Variants in CDH18 observed in about 807,000 individuals in gnomAD.
CDH18 encodes the protein cadherin-18.
CDH18 carries 31 observed loss-of-function variants against 67.9 expected under a neutral mutation model. The observed-to-expected ratio is 0.46, with a 90% CI of 0.34 to 0.62. The LOEUF is 0.62. Among genes scored for constraint, CDH18 ranks in the 20% least tolerant of loss-of-function variants. The pLI is 0.01. For missense variants in CDH18, 890 were observed against 975.5 expected, an observed-to-expected ratio of 0.91 and a Z score of 1.17; for synonymous variants, 362 against 347.2, an observed-to-expected ratio of 1.04 and a Z score of -0.48.
chr5:19,907,177 A>T (rs1405176479), intron 2 of CDH18, among the ~76,000 whole-genome samples: 1 of 151,986 alleles, frequency 6.6e-6, no homozygotes, highest in Admixed American at 6.6e-5. Context: ...CCATATAAAA[A>T]AATTCATGGT....
At chr5:19,724,601 T>A (rs1766559239) in intron 4 of CDH18, among the ~76,000 whole-genome samples, 1 of 151,978 alleles carries the variant, frequency 6.6e-6, no homozygotes, top group Admixed American at 6.6e-5. Flanking sequence ...ACCATTTCAA[T>A]AACCTGGTTA....
chr5:19,483,168 A>C, intron 12 of CDH18, 133 bp downstream of exon 12: 1 of 782,164 alleles, frequency 1.3e-6, no homozygotes, highest in South Asian at 1.9e-5. Flanking sequence ...GTATTGAGAA[A>C]ATTAATTCAT....
At chr5:20,051,260 CATTT>C (rs1482097336) in intron 2 of CDH18, among the ~76,000 whole-genome samples, 1 of 151,924 alleles carries the variant, frequency 6.6e-6, no homozygotes, top group Non-Finnish European at 1.5e-5. Flanking sequence ...TCCACACATT[CATTT>C]ATTGAGCTCT....
chr5:20,364,959 A>G (rs1742390967), intron 1 of CDH18, among the ~76,000 whole-genome samples: 1 of 152,212 alleles, frequency 6.6e-6, no homozygotes, highest in Non-Finnish European at 1.5e-5. Context: ...GCAAACATTT[A>G]TGTAAGTATC....
chr5:20,543,309 T>C (rs1464950378), intron 1 of CDH18, among the ~76,000 whole-genome samples: 1 of 152,098 alleles, frequency 6.6e-6, no homozygotes, highest in Non-Finnish European at 1.5e-5. Context: ...TATATTTTTC[T>C]ATTTTTTCTC....
intron 1 of CDH18, among the ~76,000 whole-genome samples, chr5:20,567,762 A>T (rs1758596417): frequency 6.6e-6 from 1 of 152,168 alleles, no homozygotes; most frequent in Non-Finnish European, 1.5e-5. Flanking sequence ...CATAGAAGAG[A>T]GGACAGACTG....
intron 1 of CDH18, among the ~76,000 whole-genome samples, chr5:20,333,964 T>C (rs1323003918): frequency 2.0e-5 from 3 of 152,092 alleles, no homozygotes; most frequent in African/African-American, 7.2e-5. Flanking sequence ...TGAGCAAAGA[T>C]GTTAAATGAA....
At chr5:19,772,326 T>C (rs1455325525) in intron 3 of CDH18, among the ~76,000 whole-genome samples, 2 of 152,162 alleles carry the variant, frequency 1.3e-5, no homozygotes, top group Non-Finnish European at 2.9e-5. Context: ...TATCCAGATA[T>C]GCCCAATAAA....
chr5:19,553,132 G>A (rs928658217), intron 8 of CDH18, among the ~76,000 whole-genome samples: 5 of 152,000 alleles, frequency 3.3e-5, no homozygotes, highest in African/African-American at 9.7e-5. Context: ...AACAAACCAT[G>A]CAGGTCATCA....
chr5:19,843,411 C>A (rs531117917), intron 2 of CDH18, among the ~76,000 whole-genome samples: 63 of 152,266 alleles, frequency 4.1e-4, no homozygotes, highest in African/African-American at 1.4e-3. Flanking sequence ...GTTGGGCTTG[C>A]GGGTGCACAG....
rs968156011 is a variant in CDH18 at position 19,473,171 on chromosome 5, T to A, written c.*55A>T. 2 of 1,576,090 alleles carry A rather than the reference T, an allele frequency of 1.3e-6. No individual in the cohort carries two copies. The highest frequency in any genetic ancestry group is 1.7e-6 in the Non-Finnish European group (2 of 1,159,728). The stretch of plus-strand genomic sequence containing the variant: ...CACTTCTTCCTTGTCATTGCTGAGG[T>A]TGTATATCCACTTACTCAGGAAGCA... On this transcript the variant is annotated 3_prime_UTR_variant, in exon 13 of 13. Coordinates refer to ENST00000382275, the MANE Select transcript of CDH18 (RefSeq NM_004934.5).
Position 19,525,720 on chromosome 5 carries a change from T to C in CDH18, c.1391-4942A>G, listed in dbSNP as rs572013249. 2.6e-5 allele frequency among the ~76,000 whole-genome samples: 4 copies of C among 152,306 alleles called. No individual in the cohort carries two copies. The South Asian group carries it at 8.3e-4, about 32-fold the overall frequency. Reference sequence around the variant, plus strand: ...CATTCTGGTATTTTATGATATGAGATATTTCTGTAGTTGTGAACTGAAAAC... The same window carrying C: ...CATTCTGGTATTTTATGATATGAGACATTTCTGTAGTTGTGAACTGAAAAC... On this transcript the variant is annotated intron_variant, in intron 9 of 12. Transcript: ENST00000382275.
intron 7 of CDH18, among the ~76,000 whole-genome samples, chr5:19,589,876 A>C (rs1744807312): frequency 6.6e-6 from 1 of 152,094 alleles, no homozygotes. Context: ...GTCTATATCT[A>C]ATTTACTCCT....
intron 1 of CDH18, among the ~76,000 whole-genome samples, chr5:20,523,279 T>C (rs961702463): frequency 2.0e-5 from 3 of 152,158 alleles, no homozygotes; most frequent in Non-Finnish European, 4.4e-5. Flanking sequence ...ATCAGCTGAG[T>C]TGACATTTTA....
chr5:20,300,188 C>G (rs779235840), intron 1 of CDH18, among the ~76,000 whole-genome samples: 7 of 151,936 alleles, frequency 4.6e-5, no homozygotes, highest in African/African-American at 1.7e-4. Context: ...TTGAGAGCTC[C>G]TTAGTGGTCA....
In CDH18 at chr5:20,570,955, G is replaced by T. The variant is rs138992127; in HGVS notation, c.-580+4507C>A. Among the ~76,000 whole-genome samples the T allele has an allele frequency of 3.5e-3, 534 of 152,196 alleles. 2 individuals are homozygous for T. Among genetic ancestry groups the T allele is most frequent in the African/African-American group, 0.012 (498 of 41,514 alleles). On this transcript the variant is annotated intron_variant, in intron 1 of 14. Coordinates refer to the CDH18 transcript ENST00000507958. ...CGGTTCATTGATCATAGCAACAAGA[G>T]AGCAAATAGAAACCAACATATACTT...
chr5:20,538,971 A>AGATG (rs1756897836), intron 1 of CDH18, among the ~76,000 whole-genome samples: 1 of 134,702 alleles, frequency 7.4e-6, no homozygotes, highest in African/African-American at 2.7e-5. Context: ...TCACTGCAAC[A>AGATG]TCTGCCTCCT....
intron 2 of CDH18, among the ~76,000 whole-genome samples, chr5:19,893,196 A>C (rs967983514): frequency 6.6e-6 from 1 of 152,102 alleles, no homozygotes; most frequent in African/African-American, 2.4e-5. Flanking sequence ...AGCTTCCAAA[A>C]CTGTAAATTA....
At chr5:20,391,584 C>T (rs1744865361) in intron 1 of CDH18, among the ~76,000 whole-genome samples, 1 of 151,914 alleles carries the variant, frequency 6.6e-6, no homozygotes, top group African/African-American at 2.4e-5. Flanking sequence ...CTGTGAGATT[C>T]TACTATTAAG....
Sources: allele counts gnomAD v4.1 joint callset (sites outside exome capture counted in the v4.1 genomes callset), GRCh38; gene constraint gnomAD v4.1.1; transcripts MANE v1.5; gene names NCBI Gene and HGNC (gene_info 2026-07-23, HGNC 2026-07-21).